The following PTPRD variants were observed in gnomAD, a reference collection of about 807,000 sequenced individuals.
PTPRD encodes the protein receptor-type tyrosine-protein phosphatase delta.
A neutral mutation model predicts 214.5 loss-of-function variants in PTPRD; 34 were observed. The observed-to-expected ratio is 0.16, with a 90% CI of 0.12 to 0.21. PTPRD has a LOEUF of 0.21. Ranked by LOEUF, PTPRD falls within the 10% of genes least tolerant of loss-of-function variation. PTPRD has a pLI of 1.00. For synonymous variants in PTPRD, 1,128 were observed against 845.7 expected (o/e 1.33, Z -5.79); for missense variants, 2,545 against 2,398.7 (o/e 1.06, Z -1.27).
rs138757021 is a variant in PTPRD, at chr9:9,247,197, G to T, written c.-202-63834C>A. 6.8e-3 allele frequency among the ~76,000 whole-genome samples: 1,031 copies of T among 152,066 alleles called. 11 individuals are homozygous for T. The highest frequency in any genetic ancestry group is 0.023 in the African/African-American group (961 of 41,510). ...GGTCATAAGACTCTCATTCCAGAAG[G>T]GGTCCTTCCCTATACCTGGGAAGAA... On this transcript the variant is annotated intron_variant, in intron 9 of 45. Transcript: ENST00000381196.
intron 12 of PTPRD, among the ~76,000 whole-genome samples, chr9:8,661,108 G>T (rs1028274043): frequency 2.0e-5 from 3 of 152,030 alleles, no homozygotes; most frequent in Non-Finnish European, 4.4e-5. Context: ...TTCAGATATT[G>T]TATCTATAAA....
At chr9:9,048,072 G>C (rs1370626239) in intron 10 of PTPRD, among the ~76,000 whole-genome samples, 3 of 152,152 alleles carry the variant, frequency 2.0e-5, no homozygotes, top group East Asian at 3.9e-4. Flanking sequence ...CTGATCATCA[G>C]AGAAATGCAA....
chr9:8,596,376 G>C (rs1200085198), intron 14 of PTPRD, among the ~76,000 whole-genome samples: 2 of 151,468 alleles, frequency 1.3e-5, no homozygotes, highest in African/African-American at 4.8e-5. Context: ...AAGCACTCTG[G>C]GGAAGATCTG....
At chr9:10,504,819 C>T (rs915702113) in intron 2 of PTPRD, among the ~76,000 whole-genome samples, 1 of 152,162 alleles carries the variant, frequency 6.6e-6, no homozygotes, top group Non-Finnish European at 1.5e-5. Flanking sequence ...CTGACTACCC[C>T]ACATGCCTTC....
intron 5 of PTPRD, among the ~76,000 whole-genome samples, chr9:9,872,484 C>T (rs12005508): frequency 0.047 from 7,085 of 152,004 alleles, 520 homozygotes; most frequent in African/African-American, 0.16. Context: ...ATCTGTAGTC[C>T]CAGCTACTCT....
chr9:8,671,967 T>C (rs2097297156), intron 12 of PTPRD, among the ~76,000 whole-genome samples: 1 of 152,206 alleles, frequency 6.6e-6, no homozygotes, highest in Admixed American at 6.5e-5. Flanking sequence ...TCAGGAAAGG[T>C]AAACATCTCA....
chr9:9,463,170 T>G (rs1001989411), intron 8 of PTPRD, among the ~76,000 whole-genome samples: 2 of 152,104 alleles, frequency 1.3e-5, no homozygotes, highest in African/African-American at 4.8e-5. Context: ...GCTCTCCCAG[T>G]TGTGAGGTCA....
intron 11 of PTPRD, among the ~76,000 whole-genome samples, chr9:8,799,321 G>C (rs1252564339): frequency 6.6e-6 from 1 of 152,140 alleles, no homozygotes; most frequent in Non-Finnish European, 1.5e-5. Context: ...TGTTGTAGTT[G>C]GTATAAGAAA....
At chr9:10,306,296 G>A (rs916184677) in intron 3 of PTPRD, among the ~76,000 whole-genome samples, 1 of 151,712 alleles carries the variant, frequency 6.6e-6, no homozygotes, top group Non-Finnish European at 1.5e-5. Flanking sequence ...CTAGGGGAGG[G>A]ATAGCATTAG....
At chr9:10,286,845 C>A (rs937319871) in intron 3 of PTPRD, among the ~76,000 whole-genome samples, 1 of 152,070 alleles carries the variant, frequency 6.6e-6, no homozygotes, top group African/African-American at 2.4e-5. Context: ...ATGATCCACC[C>A]GCCTCAGCCT....
intron 2 of PTPRD, among the ~76,000 whole-genome samples, chr9:10,580,361 T>G (rs2071290471): frequency 6.6e-6 from 1 of 152,196 alleles, no homozygotes; most frequent in African/African-American, 2.4e-5. Context: ...CAATCAACAG[T>G]ATATAAACCT....
At chr9:9,258,309 T>G (rs2099978638) in intron 9 of PTPRD, among the ~76,000 whole-genome samples, 1 of 151,892 alleles carries the variant, frequency 6.6e-6, no homozygotes, top group East Asian at 2.0e-4. Flanking sequence ...AAATTTGCAG[T>G]AGTAGATTAT....
chr9:9,180,728 C>T (rs545620310), intron 10 of PTPRD, among the ~76,000 whole-genome samples: 1 of 152,184 alleles, frequency 6.6e-6, no homozygotes, highest in South Asian at 2.1e-4. Flanking sequence ...AACTAGCTCA[C>T]TAGCTGGTGA....
intron 2 of PTPRD, among the ~76,000 whole-genome samples, chr9:10,556,125 A>G (rs1287475120): frequency 6.6e-6 from 1 of 152,164 alleles, no homozygotes; most frequent in East Asian, 1.9e-4. Context: ...GACTGCAATC[A>G]GTATTTGCAA....
At position 8,453,599 on chromosome 9, in the gene PTPRD, T is replaced by C. The variant is rs114139834; in HGVS notation, c.3876-3762A>G. ...TGTCCACACAAAGAAGACACCCTCA[T>C]AGAGGTTTAAAGATTCTTATCATTG... On this transcript the variant is annotated intron_variant, in intron 33 of 45. Transcript: ENST00000381196. Among the ~76,000 whole-genome samples the C allele has an allele frequency of 2.9e-3, 446 of 152,332 alleles. 3 individuals are homozygous for C. The highest frequency in any genetic ancestry group is 0.01 in the African/African-American group (427 of 41,576).
chr9:9,998,430 C>G (rs2096223154), intron 4 of PTPRD, among the ~76,000 whole-genome samples: 1 of 151,954 alleles, frequency 6.6e-6, no homozygotes. Flanking sequence ...TTTCTCCTCT[C>G]TAATCCAGGC....
intron 14 of PTPRD, among the ~76,000 whole-genome samples, chr9:8,547,107 G>C (rs567468641): frequency 1.3e-4 from 20 of 152,038 alleles, no homozygotes; most frequent in African/African-American, 4.6e-4. Context: ...ATAGACACAG[G>C]CATAAATATT....
At chr9:9,619,224 G>T (rs1564098331) in intron 7 of PTPRD, among the ~76,000 whole-genome samples, 1 of 151,804 alleles carries the variant, frequency 6.6e-6, no homozygotes, top group African/African-American at 2.4e-5. Flanking sequence ...AGTCAAGGAG[G>T]GTTTTATGGT....
At chr9:8,866,566 T>C (rs1566722304) in intron 11 of PTPRD, among the ~76,000 whole-genome samples, 1 of 152,152 alleles carries the variant, frequency 6.6e-6, no homozygotes, top group Non-Finnish European at 1.5e-5. Context: ...TATAACTAAG[T>C]GCAAATGTTC....
Sources: gnomAD v4.1 joint callset for allele counts (sites outside exome capture counted in the v4.1 genomes callset) on GRCh38, gnomAD v4.1.1 for gene constraint, MANE v1.5 for transcripts, NCBI Gene and HGNC (gene_info 2026-07-23, HGNC 2026-07-21) for gene names.